Variants in CDKAL1 observed in about 807,000 individuals in gnomAD.
CDKAL1 encodes threonylcarbamoyladenosine tRNA methylthiotransferase.
Under a neutral mutation model 68.2 loss-of-function variants are expected in CDKAL1, and 32 were observed. That is an observed-to-expected ratio of 0.47 (90% CI 0.35 to 0.63). The LOEUF (loss-of-function observed/expected upper bound fraction) is 0.63. CDKAL1 is among the 30% of genes least tolerant of loss of function. The pLI, the probability that CDKAL1 is intolerant of heterozygous loss-of-function variation, is 0.00. For synonymous variants in CDKAL1, 234 were observed against 244.3 expected (o/e 0.96, Z 0.39); for missense variants, 606 against 696.7 (o/e 0.87, Z 1.47).
At chr6:20,996,095 C>T (rs979944877) in intron 10 of CDKAL1, among the ~76,000 whole-genome samples, 5 of 152,244 alleles carry the variant, frequency 3.3e-5, no homozygotes, top group Non-Finnish European at 5.9e-5. Context: ...TCTGCAGTCT[C>T]CTCACTTCAA....
intron 11 of CDKAL1, among the ~76,000 whole-genome samples, chr6:21,064,184 C>T (rs2150931359): frequency 6.6e-6 from 1 of 152,232 alleles, no homozygotes; most frequent in East Asian, 1.9e-4. Flanking sequence ...TAAGACCACG[C>T]ATGCAGAGAC....
chr6:21,060,542 C>T (rs1208999710), intron 11 of CDKAL1, among the ~76,000 whole-genome samples: 1 of 151,612 alleles, frequency 6.6e-6, no homozygotes, highest in Non-Finnish European at 1.5e-5. Flanking sequence ...TCTTATTTTA[C>T]CTTTATTATT....
At position 20,812,166 on chromosome 6, in the gene CDKAL1, C is replaced by T. The variant is rs182180794; in HGVS notation, c.638+30901C>T. 3.5e-4 allele frequency among the ~76,000 whole-genome samples: 53 copies of T among 152,188 alleles called. 1 individual carries two copies. The highest frequency in any genetic ancestry group is 7.2e-4 in the Admixed American group (11 of 15,286). On this transcript the variant is annotated intron_variant, in intron 8 of 15. Coordinates refer to ENST00000274695, the MANE Select transcript of CDKAL1 (RefSeq NM_017774.3). ...TTATAGTTTCTATAGAAAGGTAGGA[C>T]GAATGCCTAATTCCTTTGGTTTTAT...
At chr6:21,137,139 A>G (rs1315801213) in intron 13 of CDKAL1, among the ~76,000 whole-genome samples, 1 of 152,220 alleles carries the variant, frequency 6.6e-6, no homozygotes, top group Non-Finnish European at 1.5e-5. Flanking sequence ...GCAGTTTGTC[A>G]GCATTAATGT....
At chr6:21,057,636 A>T (rs1038605287) in intron 11 of CDKAL1, among the ~76,000 whole-genome samples, 3 of 151,652 alleles carry the variant, frequency 2.0e-5, no homozygotes, top group Admixed American at 6.6e-5. Flanking sequence ...AGATCTTTCT[A>T]GCTTTTTGAT....
At chr6:20,892,355 C>G (rs1020174940) in intron 9 of CDKAL1, among the ~76,000 whole-genome samples, 3 of 152,140 alleles carry the variant, frequency 2.0e-5, no homozygotes, top group African/African-American at 7.2e-5. Context: ...CTATTTAAAA[C>G]TTGACAATTA....
rs139972998 is a variant in CDKAL1, at chr6:20,864,958, G to A, written c.742+18780G>A. On this transcript the variant is annotated intron_variant, in intron 9 of 15. Transcript: ENST00000274695. ...ATGATTGTTTTCTGTGAGCACAGGT[G>A]TGATTATAAATACAATTCAGGCATT... is the stretch of plus-strand genomic sequence containing the variant. Among the ~76,000 whole-genome samples the A allele has an allele frequency of 3.0e-3, 449 of 152,198 alleles. 2 individuals carry two copies. The highest frequency in any genetic ancestry group is 9.9e-3 in the African/African-American group (413 of 41,546).
At chr6:20,583,317 G>A (rs1242486209) in intron 4 of CDKAL1, among the ~76,000 whole-genome samples, 1 of 152,098 alleles carries the variant, frequency 6.6e-6, no homozygotes, top group African/African-American at 2.4e-5. Flanking sequence ...AACTTAATCA[G>A]TATTGATGTC....
At chr6:20,906,465 A>G (rs1021659304) in intron 9 of CDKAL1, among the ~76,000 whole-genome samples, 11 of 152,306 alleles carry the variant, frequency 7.2e-5, no homozygotes, top group African/African-American at 2.6e-4. Flanking sequence ...ATGTTCCTCA[A>G]CTTATGATGG....
chr6:20,571,735 A>G (rs1764709579), intron 4 of CDKAL1, among the ~76,000 whole-genome samples: 1 of 151,978 alleles, frequency 6.6e-6, no homozygotes, highest in African/African-American at 2.4e-5. Context: ...AAATTGAGGT[A>G]TAGCAGATAT....
chr6:20,581,111 T>A (rs1765127763), intron 4 of CDKAL1, among the ~76,000 whole-genome samples: 2 of 152,198 alleles, frequency 1.3e-5, no homozygotes, highest in Admixed American at 1.3e-4. Context: ...ATTATTAATT[T>A]TTCCAAGAGA....
intron 13 of CDKAL1, among the ~76,000 whole-genome samples, chr6:21,113,791 T>A (rs1177136427): frequency 2.0e-5 from 3 of 151,300 alleles, no homozygotes; most frequent in Non-Finnish European, 4.4e-5. Flanking sequence ...AAAAAGAAAA[T>A]TAGCCAGGTG....
chr6:20,836,148 C>T (rs945548678), intron 8 of CDKAL1, among the ~76,000 whole-genome samples: 2 of 151,994 alleles, frequency 1.3e-5, no homozygotes, highest in Admixed American at 6.6e-5. Context: ...GATAGTGACT[C>T]GGTAGAGTAA....
At chr6:20,648,835 G>A (rs959887308) in intron 4 of CDKAL1, among the ~76,000 whole-genome samples, 2 of 152,106 alleles carry the variant, frequency 1.3e-5, no homozygotes, top group African/African-American at 4.8e-5. Flanking sequence ...AGGAATAAAA[G>A]GCCCACTTTG....
chr6:20,833,986 A>G (rs1392580527), intron 8 of CDKAL1, among the ~76,000 whole-genome samples: 1 of 152,168 alleles, frequency 6.6e-6, no homozygotes, highest in African/African-American at 2.4e-5. Flanking sequence ...GAGAACAGGA[A>G]ATCCAGCGAT....
At chr6:20,613,623 T>G (rs1766751033) in intron 4 of CDKAL1, among the ~76,000 whole-genome samples, 1 of 149,522 alleles carries the variant, frequency 6.7e-6, no homozygotes, top group South Asian at 2.1e-4. Context: ...ATATTCCATT[T>G]TGAGGATATG....
intron 11 of CDKAL1, among the ~76,000 whole-genome samples, chr6:21,039,560 G>A (rs1769794431): frequency 6.6e-6 from 1 of 152,150 alleles, no homozygotes; most frequent in Non-Finnish European, 1.5e-5. Flanking sequence ...TTATCACCTT[G>A]TGGAATATGG....
chr6:21,206,088 C>T (rs10223540), intron 15 of CDKAL1, among the ~76,000 whole-genome samples: 11,568 of 151,970 alleles, frequency 0.076, 475 homozygotes, highest in African/African-American at 0.096. Context: ...GCCTTAGCCT[C>T]CCAAAGTGCT....
chr6:20,950,481 A>C (rs1235382450), intron 9 of CDKAL1, among the ~76,000 whole-genome samples: 3 of 152,210 alleles, frequency 2.0e-5, no homozygotes, highest in African/African-American at 7.2e-5. Flanking sequence ...TAAAAATTTA[A>C]TATGCACTGT....
Sources: gnomAD v4.1 joint callset for allele counts (sites outside exome capture counted in the v4.1 genomes callset) on GRCh38, gnomAD v4.1.1 for gene constraint, MANE v1.5 for transcripts, NCBI Gene and HGNC (gene_info 2026-07-23, HGNC 2026-07-21) for gene names.